Variants in FOCAD observed in about 807,000 individuals in gnomAD.
FOCAD encodes the protein focadhesin, also known as KIAA1797.
In FOCAD, 198 loss-of-function variants were observed where a neutral mutation model predicts 225.6. The ratio of observed to expected loss-of-function variants is 0.88; its 90% CI spans 0.78 to 0.99. The LOEUF (loss-of-function observed/expected upper bound fraction) is 0.99, where lower values mean the gene tolerates loss of function less well. Among genes scored for constraint, FOCAD ranks in the 50% least tolerant of loss-of-function variants. The pLI, the probability that FOCAD is intolerant of heterozygous loss-of-function variation, is 0.00. For missense variants in FOCAD, 2,713 were observed against 2,123.6 expected, an observed-to-expected ratio of 1.28 and a Z score of -5.46; for synonymous variants, 897 against 755.0, an observed-to-expected ratio of 1.19 and a Z score of -3.08.
chr9:20,944,008 A>C (rs776622741), intron 28 of FOCAD, among the ~76,000 whole-genome samples: 3 of 152,144 alleles, frequency 2.0e-5, no homozygotes, highest in Non-Finnish European at 4.4e-5. Flanking sequence ...TCATTTGTCC[A>C]TTTTCTCTTC....
Position 20,907,195 on chromosome 9 carries a change from C to T in FOCAD, c.2671C>T (p.Gln891Ter), listed in dbSNP as rs759708376. 3 of 1,613,264 alleles carry T rather than the reference C, an allele frequency of 1.9e-6. No homozygotes were observed. The highest frequency in any genetic ancestry group is 1.3e-5 in the African/African-American group (1 of 74,956). ...GTGGCACCGTGCAATTTTTCTTCCACAGGCCTGGCTTGCATACATGAATCG... is the reference window on the plus strand; with the variant it reads ...GTGGCACCGTGCAATTTTTCTTCCATAGGCCTGGCTTGCATACATGAATCG... ...SEWHRAIFLP[Q>*]AWLAYMNRAY... The change falls in exon 22 of 44, where the codon CAG (glutamine) becomes TAG (stop). Residue 891 changes from glutamine to a stop codon, truncating the protein, a stop_gained. Transcript: ENST00000338382. LOFTEE classifies it high-confidence loss of function.
chr9:20,844,871 G>C (rs1826921684), intron 15 of FOCAD, among the ~76,000 whole-genome samples: 1 of 152,078 alleles, frequency 6.6e-6, no homozygotes, highest in Non-Finnish European at 1.5e-5. Flanking sequence ...TCTCTTTCGT[G>C]AAATTTTCCT....
intron 1 of FOCAD, chr9:20,658,531 A>G (rs956379162): frequency 1.3e-5 from 2 of 154,506 alleles, no homozygotes; most frequent in South Asian, 2.0e-4. Flanking sequence ...GGTGGGAGTG[A>G]CCCGATTTTC....
chr9:20,778,670 T>A lies in FOCAD; in HGVS notation c.907-11T>A. On this transcript the variant is annotated splice_polypyrimidine_tract_variant and intron_variant, in intron 8 of 43. Coordinates refer to ENST00000338382, the MANE Select transcript of FOCAD (RefSeq NM_001375567.1). ...CTTTAACAACTCCTTTTTCCCCCTC[T>A]ATTCTTTTAGGATTTTCCTGTTGAA... is the stretch of plus-strand genomic sequence containing the variant. The A allele has an allele frequency of 6.5e-7, 1 of 1,541,626 alleles. No homozygotes were observed. Among genetic ancestry groups the A allele is most frequent in the Non-Finnish European group, 9.0e-7 (1 of 1,115,290 alleles).
intron 35 of FOCAD, among the ~76,000 whole-genome samples, chr9:20,956,744 G>A (rs1838167964): frequency 6.6e-6 from 1 of 152,100 alleles, no homozygotes; most frequent in African/African-American, 2.4e-5. Context: ...TCATGAAAAT[G>A]TTTGGAAGGA....
intron 34 of FOCAD, 64 bp from the exon 35 acceptor site, chr9:20,952,921 T>C (rs1025203178): frequency 1.6e-6 from 2 of 1,282,666 alleles, no homozygotes; most frequent in Non-Finnish European, 2.3e-6. Flanking sequence ...CATGAGATCA[T>C]TATCTTTCCT....
intron 4 of FOCAD, among the ~76,000 whole-genome samples, chr9:20,739,378 C>T (rs757957404): frequency 1.3e-5 from 2 of 152,042 alleles, no homozygotes; most frequent in South Asian, 2.1e-4. Flanking sequence ...CTGAGGCAGG[C>T]GGGTCACCTA....
Position 20,915,653 on chromosome 9 carries a change from C to T in FOCAD, c.2808-1240C>T, listed in dbSNP as rs112125600. Among the ~76,000 whole-genome samples the T allele has an allele frequency of 8.9e-3, 1,348 of 152,156 alleles. 20 individuals carry two copies. The highest frequency in any genetic ancestry group is 0.031 in the African/African-American group (1,286 of 41,516). On this transcript the variant is annotated intron_variant, in intron 23 of 43. Transcript: ENST00000338382. The stretch of plus-strand genomic sequence containing the variant: ...GCATAATCTTTTACACAAGTTTTGA[C>T]GTATAACAGACCAAGAAATGGGGCA...
intron 15 of FOCAD, among the ~76,000 whole-genome samples, chr9:20,856,363 G>A (rs1214720794): frequency 1.3e-5 from 2 of 151,768 alleles, no homozygotes; most frequent in Non-Finnish European, 3.0e-5. Context: ...CATTTTTCAT[G>A]TACCTGCTAA....
chr9:20,835,059 C>G (rs1007414919), intron 15 of FOCAD, among the ~76,000 whole-genome samples: 1 of 151,818 alleles, frequency 6.6e-6, no homozygotes. Context: ...TTTCCTTGGT[C>G]TCTATTTTAA....
chr9:20,971,074 G>C (rs1343392663), intron 35 of FOCAD, among the ~76,000 whole-genome samples: 1 of 152,070 alleles, frequency 6.6e-6, no homozygotes, highest in Non-Finnish European at 1.5e-5. Context: ...AAGTTTGTCT[G>C]TCTTCTTTCT....
At chr9:20,802,863 G>C (rs1197798052) in intron 11 of FOCAD, among the ~76,000 whole-genome samples, 1 of 152,106 alleles carries the variant, frequency 6.6e-6, no homozygotes, top group Non-Finnish European at 1.5e-5. Context: ...GATTTCAAAT[G>C]GTCGAATTAT....
intron 8 of FOCAD, among the ~76,000 whole-genome samples, chr9:20,775,340 G>A (rs1023033176): frequency 3.9e-5 from 6 of 152,160 alleles, no homozygotes; most frequent in Non-Finnish European, 4.4e-5. Flanking sequence ...GGTAGCTCTC[G>A]AAGTGAAGAA....
intron 24 of FOCAD, among the ~76,000 whole-genome samples, chr9:20,920,492 T>C (rs1404580091): frequency 3.9e-5 from 5 of 127,092 alleles, no homozygotes; most frequent in African/African-American, 1.2e-4. Context: ...TAAATCATGC[T>C]GCTATAAAGA....
At chr9:20,882,384 A>G (rs1830750471) in intron 20 of FOCAD, among the ~76,000 whole-genome samples, 1 of 152,246 alleles carries the variant, frequency 6.6e-6, no homozygotes, top group Non-Finnish European at 1.5e-5. Flanking sequence ...AGGGCGACAA[A>G]TTAGAGATTT....
chr9:20,803,710 A>T (rs953737372), intron 11 of FOCAD, among the ~76,000 whole-genome samples: 1 of 152,050 alleles, frequency 6.6e-6, no homozygotes, highest in Non-Finnish European at 1.5e-5. Flanking sequence ...GTCTAAAGAG[A>T]ACTTAATCTT....
intron 22 of FOCAD, among the ~76,000 whole-genome samples, chr9:20,909,862 G>C (rs1833293024): frequency 6.6e-6 from 1 of 152,076 alleles, no homozygotes. Context: ...GGTCCTAGAA[G>C]ACACTTTTTC....
Position 20,819,875 on chromosome 9 carries a change from C to A in FOCAD, c.1535C>A (p.Thr512Asn). The change falls in exon 12 of 44, where the codon ACT (threonine) becomes AAT (asparagine). Residue 512 changes from threonine (T) to asparagine (N), a missense_variant. Physicochemically the swap from Thr to Asn is moderately conservative, Grantham distance 65. Coordinates refer to ENST00000338382, the MANE Select transcript of FOCAD (RefSeq NM_001375567.1). ...ATATTATATAATGATATATTGTATA[C>A]TTTACCTAAGCTTGGTGTTCACAAG... Reference protein sequence around the residue: ...EPILYNDILYTLPKLGVHKVC... With the variant: ...EPILYNDILYNLPKLGVHKVC... 2 of 1,543,650 alleles carry A rather than the reference C, an allele frequency of 1.3e-6. No homozygotes were observed. The highest frequency in any genetic ancestry group is 1.3e-5 in the South Asian group (1 of 77,286).
intron 20 of FOCAD, among the ~76,000 whole-genome samples, chr9:20,884,049 T>C (rs1463431331): frequency 6.6e-6 from 1 of 152,182 alleles, no homozygotes; most frequent in African/African-American, 2.4e-5. Context: ...TGTCCACTTT[T>C]GAGTATAAAC....
Sources: allele counts gnomAD v4.1 joint callset (sites outside exome capture counted in the v4.1 genomes callset), GRCh38; gene constraint gnomAD v4.1.1; transcripts MANE v1.5; gene names NCBI Gene and HGNC (gene_info 2026-07-23, HGNC 2026-07-21).